The following TTLL7 variants were observed in gnomAD, a reference collection of about 807,000 sequenced individuals.
The protein encoded by TTLL7 is tubulin tyrosine ligase like 7.
A neutral mutation model predicts 120.2 loss-of-function variants in TTLL7; 53 were observed. The ratio of observed to expected loss-of-function variants is 0.44; its 90% confidence interval spans 0.35 to 0.55. TTLL7 has a LOEUF of 0.55. Among genes scored for constraint, TTLL7 ranks in the 20% least tolerant of loss-of-function variants. The pLI is 0.00. For missense variants in TTLL7, 803 were observed against 1,054.7 expected (o/e 0.76, Z 3.31); for synonymous variants, 353 against 351.7 (o/e 1.00, Z -0.04).
chr1:83,952,046 C>T (rs1171247068), intron 2 of TTLL7, 70 bp from the exon 3 acceptor site: 3 of 1,517,244 alleles, frequency 2.0e-6, no homozygotes, highest in Non-Finnish European at 1.8e-6. Context: ...ACAAATACCA[C>T]CCCCACCCCA....
intron 14 of TTLL7, among the ~76,000 whole-genome samples, chr1:83,912,283 C>T (rs1170915119): frequency 1.3e-5 from 2 of 152,158 alleles, no homozygotes; most frequent in Non-Finnish European, 2.9e-5. Flanking sequence ...ATTAGAATCA[C>T]TTGTTTCTAG....
At chr1:83,906,201 G>A in intron 17 of TTLL7, 128 bp downstream of exon 17, 1 of 775,494 alleles carries the variant, frequency 1.3e-6, no homozygotes, top group East Asian at 2.7e-5. Flanking sequence ...GCTAGTAGAG[G>A]TTGAAAAGAA....
chr1:83,917,097 A>T (rs1432364865), intron 14 of TTLL7, among the ~76,000 whole-genome samples: 1 of 146,284 alleles, frequency 6.8e-6, no homozygotes, highest in East Asian at 2.0e-4. Flanking sequence ...AGACCCTGTT[A>T]TCAAAAAAAA....
intron 15 of TTLL7, among the ~76,000 whole-genome samples, chr1:83,909,269 CTTTTTTTTTTTTTTT>C (rs71582911): frequency 1.8e-4 from 18 of 99,296 alleles, no homozygotes; most frequent in Non-Finnish European, 2.7e-4. Context: ...TTTTTTTTTC[CTTTTTTTTTTTTTTT>C]TTTTGCCTAC....
At chr1:83,932,755 G>A (rs957144935) in intron 9 of TTLL7, among the ~76,000 whole-genome samples, 4 of 151,998 alleles carry the variant, frequency 2.6e-5, no homozygotes, top group African/African-American at 9.7e-5. Context: ...TAAAATGAAA[G>A]GTAGTGGTTG....
intron 1 of TTLL7, chr1:83,979,756 T>C (rs938833870): frequency 2.0e-5 from 3 of 152,182 alleles, no homozygotes; most frequent in Admixed American, 2.0e-4. Context: ...ACTCTCATAA[T>C]TTTGCAAAGG....
chr1:83,950,076 A>G (rs1571283745), intron 3 of TTLL7, 90 bp from the exon 4 acceptor site: 1 of 1,160,668 alleles, frequency 8.6e-7, no homozygotes, highest in South Asian at 1.6e-5. Flanking sequence ...ACTTTAGTTC[A>G]TAGTATTTCA....
At chr1:83,974,040 T>A (rs1651238801) in intron 1 of TTLL7, among the ~76,000 whole-genome samples, 1 of 151,972 alleles carries the variant, frequency 6.6e-6, no homozygotes, top group African/African-American at 2.4e-5. Context: ...TTACCTCAAA[T>A]TTTTTTACTA....
chr1:83,897,697 C>T (rs1275829503), intron 18 of TTLL7, among the ~76,000 whole-genome samples: 1 of 151,804 alleles, frequency 6.6e-6, no homozygotes, highest in Admixed American at 6.6e-5. Context: ...TTCTGGGCTC[C>T]CCATCAGCCT....
chr1:83,931,715 C>G (rs577117040), intron 9 of TTLL7, among the ~76,000 whole-genome samples: 13 of 152,030 alleles, frequency 8.6e-5, no homozygotes, highest in African/African-American at 3.1e-4. Flanking sequence ...CATACTCCAC[C>G]AAAGTTCCAT....
intron 1 of TTLL7, among the ~76,000 whole-genome samples, chr1:83,966,587 T>C (rs990135046): frequency 6.6e-6 from 1 of 152,022 alleles, no homozygotes; most frequent in African/African-American, 2.4e-5. Context: ...CAGATCATTA[T>C]GAAAAGAAGG....
At position 83,875,724 on chromosome 1, in the gene TTLL7, T is replaced by A. The variant is rs141720213; in HGVS notation, c.2544-5642A>T. ...TTTCCCTGATTATTAGCTTAAACACTTTTTCAAATGTTTATTGGTCCTCGT... is the reference window on the plus strand; with the variant it reads ...TTTCCCTGATTATTAGCTTAAACACATTTTCAAATGTTTATTGGTCCTCGT... On this transcript the variant is annotated intron_variant, in intron 20 of 20. Coordinates refer to ENST00000260505, the MANE Select transcript of TTLL7 (RefSeq NM_024686.6). Among the ~76,000 whole-genome samples, 9 of 152,020 alleles carry A rather than the reference T, an allele frequency of 5.9e-5. No homozygotes were observed. The South Asian group carries it at 1.0e-3, about 18-fold the overall frequency.
intron 15 of TTLL7, among the ~76,000 whole-genome samples, chr1:83,910,594 AAGG>A (rs537730139): frequency 5.3e-4 from 81 of 152,212 alleles, no homozygotes; most frequent in Non-Finnish European, 9.1e-4. Flanking sequence ...GCAGAAACGG[AAGG>A]AGATGGAACA....
intron 17 of TTLL7, among the ~76,000 whole-genome samples, chr1:83,905,761 G>C (rs1657151598): frequency 6.6e-6 from 1 of 151,986 alleles, no homozygotes; most frequent in Non-Finnish European, 1.5e-5. Context: ...TTAGGAGTAA[G>C]TCACTGGTTT....
chr1:83,915,348 A>G (rs1255841344), intron 14 of TTLL7, among the ~76,000 whole-genome samples: 1 of 152,216 alleles, frequency 6.6e-6, no homozygotes, highest in Non-Finnish European at 1.5e-5. Flanking sequence ...CAGGTCTACA[A>G]CTATCTGATC....
At chr1:83,896,820 T>C (rs1198280356) in intron 18 of TTLL7, among the ~76,000 whole-genome samples, 1 of 152,100 alleles carries the variant, frequency 6.6e-6, no homozygotes, top group Non-Finnish European at 1.5e-5. Context: ...TGTTTAGGTA[T>C]CACATCAGAT....
intron 1 of TTLL7, among the ~76,000 whole-genome samples, chr1:83,966,619 T>C (rs923422113): frequency 2.6e-5 from 4 of 151,998 alleles, no homozygotes; most frequent in South Asian, 4.1e-4. Context: ...GACAGTTGTA[T>C]AAAGAATAAT....
At chr1:83,878,224 TG>T (rs1654113265) in intron 20 of TTLL7, among the ~76,000 whole-genome samples, 2 of 151,788 alleles carry the variant, frequency 1.3e-5, no homozygotes, top group South Asian at 4.1e-4. Flanking sequence ...TTCCACTATA[TG>T]GTTGATTTTC....
At position 83,998,952 on chromosome 1, in the gene TTLL7, C is replaced by T. The variant is rs765956607; in HGVS notation, c.-198G>A. The T allele has an allele frequency of 7.0e-6, 3 of 429,292 alleles. No homozygotes were observed. Among genetic ancestry groups the T allele is most frequent in the South Asian group, 1.6e-5 (1 of 60,838 alleles). 26.6% of individuals were successfully genotyped at this position (429,292 alleles called of 1,614,324 possible). ...TCACCCGGGTGAGGAAAGCCCAGCC[C>T]GGGTCCTCGCGTCCCCGCTGCAAGC... On this transcript the variant is annotated 5_prime_UTR_variant, in exon 1 of 21. Transcript: ENST00000260505.
Sources: allele counts gnomAD v4.1 joint callset (sites outside exome capture counted in the v4.1 genomes callset), GRCh38; gene constraint gnomAD v4.1.1; transcripts MANE v1.5; gene names NCBI Gene and HGNC (gene_info 2026-07-23, HGNC 2026-07-21).